Variants in ANKFN1 observed in about 807,000 individuals in gnomAD.
The protein encoded by ANKFN1 is ankyrin repeat and fibronectin type III domain containing 1.
ANKFN1 carries 74 observed loss-of-function variants against 108.7 expected under a neutral mutation model. That is an observed-to-expected ratio of 0.68 (90% CI 0.56 to 0.83). ANKFN1 has a LOEUF of 0.83. ANKFN1 is among the 40% of genes least tolerant of loss of function. ANKFN1 has a pLI of 0.00. For missense variants in ANKFN1, 1,505 were observed against 1,382.3 expected (o/e 1.09, Z -1.41); for synonymous variants, 547 against 516.2 (o/e 1.06, Z -0.81).
intron 3 of ANKFN1, among the ~76,000 whole-genome samples, chr17:56,315,736 C>A (rs539993187): frequency 6.6e-6 from 1 of 152,302 alleles, no homozygotes; most frequent in Admixed American, 6.5e-5. Flanking sequence ...GCAGCCCATT[C>A]AGACTCTGCT....
intron 3 of ANKFN1, chr17:56,254,358 T>TG (rs2043307684): frequency 6.6e-6 from 1 of 152,090 alleles, no homozygotes; most frequent in African/African-American, 2.4e-5. Context: ...AATGAACCAC[T>TG]GTGGTTTTAT....
chr17:56,065,878 A>G lies in ANKFN1; in HGVS notation c.288+19553A>G, dbSNP rs188991887. Among the ~76,000 whole-genome samples the G allele has an allele frequency of 3.6e-3, 543 of 152,376 alleles. 4 individuals are homozygous for G. Among genetic ancestry groups the G allele is most frequent in the Non-Finnish European group, 5.4e-3 (365 of 68,040 alleles). On this transcript the variant is annotated intron_variant, in intron 4 of 12. Transcript: ENST00000635860. ...TGGCACAGAGACACAAAGTGAGCAC[A>G]TGCTGTTTAAAAAATGGCCCCAATA... is the stretch of plus-strand genomic sequence containing the variant.
chr17:56,214,329 T>C (rs985243413), intron 2 of ANKFN1, among the ~76,000 whole-genome samples: 7 of 152,126 alleles, frequency 4.6e-5, no homozygotes, highest in Admixed American at 2.0e-4. Flanking sequence ...ATGGTGAAGC[T>C]TGAGGGTGGA....
At chr17:56,470,171 C>A (rs1277474801) in intron 15 of ANKFN1, among the ~76,000 whole-genome samples, 1 of 152,154 alleles carries the variant, frequency 6.6e-6, no homozygotes, top group Non-Finnish European at 1.5e-5. Flanking sequence ...ACCACATTTT[C>A]TTTATCCAGT....
intron 8 of ANKFN1, among the ~76,000 whole-genome samples, chr17:56,435,629 G>A (rs1404085367): frequency 1.3e-5 from 2 of 152,268 alleles, no homozygotes; most frequent in South Asian, 2.1e-4. Flanking sequence ...TGGTTAAGAC[G>A]AAGGAATGTA....
intron 3 of ANKFN1, among the ~76,000 whole-genome samples, chr17:56,307,579 C>G (rs1294272328): frequency 6.6e-6 from 1 of 152,170 alleles, no homozygotes; most frequent in Non-Finnish European, 1.5e-5. Context: ...CAGTAAACAA[C>G]AGGTGCTGGA....
At chr17:56,316,563 C>G (rs2045214542) in intron 3 of ANKFN1, among the ~76,000 whole-genome samples, 1 of 152,098 alleles carries the variant, frequency 6.6e-6, no homozygotes, top group African/African-American at 2.4e-5. Context: ...GTAGAGGACC[C>G]TTTTGGAAAT....
intron 20 of ANKFN1, among the ~76,000 whole-genome samples, chr17:56,509,199 T>G (rs891497403): frequency 2.0e-5 from 3 of 152,246 alleles, no homozygotes; most frequent in African/African-American, 7.2e-5. Flanking sequence ...GGATAAATTT[T>G]GGGTTCGTGT....
chr17:56,075,903 A>G (rs1356211032), intron 4 of ANKFN1, among the ~76,000 whole-genome samples: 1 of 152,134 alleles, frequency 6.6e-6, no homozygotes, highest in Admixed American at 6.5e-5. Flanking sequence ...ATCCCCTTGT[A>G]CAATTTCTGA....
Position 56,189,170 on chromosome 17 carries a change from C to CTTTTTTTTTTTTTTTTTTTTTTT in ANKFN1, c.-70-23410_-70-23409insTTTTTTTTTTTTTTTTTTTTTTT, listed in dbSNP as rs532063852. Among the ~76,000 whole-genome samples, 29 of 85,264 alleles carry CTTTTTTTTTTTTTTTTTTTTTTT rather than the reference C, an allele frequency of 3.4e-4. 2 individuals carry two copies. The highest frequency in any genetic ancestry group is 1.6e-3 in the African/African-American group (24 of 14,762). The allele number at this position is 85,264 out of a possible 152,430, so 55.9% of individuals were successfully genotyped here. A position where few individuals can be genotyped will look rare whatever the true frequency, so the allele number is the denominator to read the frequency against. ...CCTAAGTAAGTAAATGTTGCCCTGACTTTTTTTTTTTTTTTTTTGAGACGG... is the reference window on the plus strand; with the variant it reads ...CCTAAGTAAGTAAATGTTGCCCTGACTTTTTTTTTTTTTTTTTTTTTTTTTTTTTTTTTTTTTTTTTGAGACGG... On this transcript the variant is annotated intron_variant, in intron 1 of 20. Coordinates refer to ENST00000682825, the MANE Select transcript of ANKFN1 (RefSeq NM_001370326.1).
At chr17:56,242,212 T>G (rs1176810533) in intron 3 of ANKFN1, among the ~76,000 whole-genome samples, 1 of 152,128 alleles carries the variant, frequency 6.6e-6, no homozygotes, top group Non-Finnish European at 1.5e-5. Context: ...TAATTTCTTG[T>G]GTGACTTTTA....
chr17:56,386,024 A>G (rs1398642852), intron 8 of ANKFN1, among the ~76,000 whole-genome samples: 1 of 152,226 alleles, frequency 6.6e-6, no homozygotes, highest in African/African-American at 2.4e-5. Flanking sequence ...ATGCACGCGT[A>G]TGTTTATTGC....
At chr17:56,414,236 A>G (rs966082318) in intron 8 of ANKFN1, among the ~76,000 whole-genome samples, 12 of 152,254 alleles carry the variant, frequency 7.9e-5, no homozygotes, top group African/African-American at 2.9e-4. Flanking sequence ...CTCCTTTGCA[A>G]TTTTTTGGAA....
intron 3 of ANKFN1, among the ~76,000 whole-genome samples, chr17:56,248,082 G>T (rs2043157620): frequency 1.3e-5 from 2 of 152,206 alleles, no homozygotes; most frequent in African/African-American, 4.8e-5. Flanking sequence ...CAGATTAAAA[G>T]AAGTAACATT....
At chr17:56,152,412 CT>C (rs948317090), upstream of ANKFN1, among the ~76,000 whole-genome samples, 1 of 151,024 alleles carries the variant, frequency 6.6e-6, no homozygotes, top group Admixed American at 6.6e-5. Context: ...ATTTACTTGT[CT>C]TTTTTTTTCC....
intron 8 of ANKFN1, among the ~76,000 whole-genome samples, chr17:56,437,507 T>C (rs935972626): frequency 6.6e-6 from 1 of 152,188 alleles, no homozygotes; most frequent in Non-Finnish European, 1.5e-5. Context: ...ACCAAAGATA[T>C]TTTTGTTTCC....
At chr17:56,163,348 A>T (rs915982604) in intron 1 of ANKFN1, among the ~76,000 whole-genome samples, 4 of 152,168 alleles carry the variant, frequency 2.6e-5, no homozygotes, top group African/African-American at 9.7e-5. Flanking sequence ...GACACTAGCC[A>T]CTGTTTAAAC....
At chr17:56,242,005 C>T (rs995118062) in intron 3 of ANKFN1, among the ~76,000 whole-genome samples, 2 of 125,148 alleles carry the variant, frequency 1.6e-5, no homozygotes, top group African/African-American at 2.6e-5. Context: ...AATGGTGTAC[C>T]ATTTAAAATG....
intron 9 of ANKFN1, among the ~76,000 whole-genome samples, chr17:56,442,558 G>C (rs1391789948): frequency 2.6e-5 from 4 of 152,110 alleles, no homozygotes; most frequent in Non-Finnish European, 4.4e-5. Context: ...AGGGGGCTCA[G>C]GAAAAGTCAT....
Sources: allele counts gnomAD v4.1 joint callset (sites outside exome capture counted in the v4.1 genomes callset), GRCh38; gene constraint gnomAD v4.1.1; transcripts MANE v1.5; gene names NCBI Gene and HGNC (gene_info 2026-07-23, HGNC 2026-07-21).